The following CDKAL1 variants were observed in gnomAD, a reference collection of about 807,000 sequenced individuals.
CDKAL1 encodes threonylcarbamoyladenosine tRNA methylthiotransferase.
In CDKAL1, 32 loss-of-function variants were observed where a neutral mutation model predicts 68.2. That is an observed-to-expected ratio of 0.47 (90% CI 0.35 to 0.63). The LOEUF is 0.63. Among genes scored for constraint, CDKAL1 ranks in the 30% least tolerant of loss-of-function variants. The pLI, the probability that CDKAL1 is intolerant of heterozygous loss-of-function variation, is 0.00. For missense variants in CDKAL1, 606 were observed against 696.7 expected, an observed-to-expected ratio of 0.87 and a Z score of 1.47; for synonymous variants, 234 against 244.3, an observed-to-expected ratio of 0.96 and a Z score of 0.39.
At chr6:20,868,231 C>G (rs1760011812) in intron 9 of CDKAL1, among the ~76,000 whole-genome samples, 3 of 152,160 alleles carry the variant, frequency 2.0e-5, no homozygotes, top group South Asian at 4.2e-4. Flanking sequence ...AATATCACCC[C>G]CATTCTAAAA....
chr6:21,221,335 C>A (rs1262133005), intron 15 of CDKAL1, among the ~76,000 whole-genome samples: 1 of 151,816 alleles, frequency 6.6e-6, no homozygotes, highest in Non-Finnish European at 1.5e-5. Flanking sequence ...CTCAAGTGAT[C>A]CTCCTACCTT....
Position 20,587,690 on chromosome 6 carries a change from G to A in CDKAL1, c.286+38985G>A, listed in dbSNP as rs550608874. On this transcript the variant is annotated intron_variant, in intron 4 of 15. Transcript: ENST00000274695. ...TGAGGCTGCAGTGAGCCATGATCATGCCACTGTACTCCAGCCTGGGCAACA... is the reference window on the plus strand; with the variant it reads ...TGAGGCTGCAGTGAGCCATGATCATACCACTGTACTCCAGCCTGGGCAACA... Among the ~76,000 whole-genome samples, 28 of 152,214 alleles carry A rather than the reference G, an allele frequency of 1.8e-4. No homozygotes were observed. The South Asian group carries it at 5.4e-3, about 29-fold the overall frequency.
intron 7 of CDKAL1, among the ~76,000 whole-genome samples, chr6:20,764,036 C>CAT (rs1328058554): frequency 6.6e-6 from 1 of 152,120 alleles, no homozygotes; most frequent in African/African-American, 2.4e-5. Flanking sequence ...TAAAAATATT[C>CAT]ATACGCACCT....
At chr6:20,677,402 T>C (rs1305655072) in intron 5 of CDKAL1, among the ~76,000 whole-genome samples, 1 of 151,814 alleles carries the variant, frequency 6.6e-6, no homozygotes, top group African/African-American at 2.4e-5. Context: ...TTACTTTGCT[T>C]TTTTCATTTT....
intron 10 of CDKAL1, among the ~76,000 whole-genome samples, chr6:20,985,784 T>C (rs1036957169): frequency 1.6e-4 from 25 of 151,546 alleles, no homozygotes; most frequent in Admixed American, 1.3e-3. Context: ...ACCTGGATGA[T>C]GGAGTGAGAC....
At chr6:20,676,106 G>A (rs180736587) in intron 5 of CDKAL1, among the ~76,000 whole-genome samples, 3 of 152,278 alleles carry the variant, frequency 2.0e-5, no homozygotes, top group Admixed American at 6.5e-5. Flanking sequence ...TGAACAATTT[G>A]TGTTTTAAGG....
intron 5 of CDKAL1, among the ~76,000 whole-genome samples, chr6:20,720,291 A>G (rs1031736025): frequency 1.3e-5 from 2 of 152,118 alleles, no homozygotes; most frequent in East Asian, 1.9e-4. Flanking sequence ...AATTTGCACA[A>G]ATTTGTGGGG....
chr6:21,025,259 T>G (rs2150868052), intron 11 of CDKAL1, among the ~76,000 whole-genome samples: 1 of 152,316 alleles, frequency 6.6e-6, no homozygotes, highest in South Asian at 2.1e-4. Flanking sequence ...AAAAATGGGC[T>G]AAGATAATCT....
rs545544870 is a variant in CDKAL1 at position 20,645,882 on chromosome 6, C to A, written c.287-3411C>A. 9.2e-5 allele frequency among the ~76,000 whole-genome samples: 14 copies of A among 151,384 alleles called. No homozygotes were observed. The East Asian group carries it at 2.7e-3, about 29-fold the overall frequency. On this transcript the variant is annotated intron_variant, in intron 4 of 15. Transcript: ENST00000274695. The stretch of plus-strand genomic sequence containing the variant: ...CACATGAGCCTAGGCCTACAAAGGG[C>A]AGGATCATCAATATTACTGTCTTCC...
intron 4 of CDKAL1, among the ~76,000 whole-genome samples, chr6:20,562,165 A>G (rs2127669852): frequency 6.6e-6 from 1 of 152,204 alleles, no homozygotes; most frequent in South Asian, 2.1e-4. Context: ...ATCTTGGAGT[A>G]TTACTTGTAT....
intron 4 of CDKAL1, among the ~76,000 whole-genome samples, chr6:20,648,306 T>C (rs1189129380): frequency 1.3e-5 from 2 of 151,780 alleles, no homozygotes; most frequent in Non-Finnish European, 2.9e-5. Context: ...ATTTTTGTAT[T>C]TTTAGTAGAG....
At chr6:20,977,432 T>C (rs1193622397) in intron 10 of CDKAL1, among the ~76,000 whole-genome samples, 1 of 152,212 alleles carries the variant, frequency 6.6e-6, no homozygotes, top group Non-Finnish European at 1.5e-5. Flanking sequence ...TAACTCTAAT[T>C]TTAGCACTAT....
intron 4 of CDKAL1, among the ~76,000 whole-genome samples, chr6:20,614,483 C>T (rs9356740): frequency 0.28 from 42,742 of 151,968 alleles, 6,552 homozygotes; most frequent in East Asian, 0.53. Context: ...TCCTTTAATT[C>T]GAATGCATCT....
chr6:21,099,582 T>A (rs1773481490), intron 12 of CDKAL1, among the ~76,000 whole-genome samples: 1 of 152,172 alleles, frequency 6.6e-6, no homozygotes, highest in Non-Finnish European at 1.5e-5. Flanking sequence ...AAAACAATAA[T>A]AATCCAGATA....
At chr6:20,907,673 G>A (rs763180775) in intron 9 of CDKAL1, among the ~76,000 whole-genome samples, 7 of 152,250 alleles carry the variant, frequency 4.6e-5, no homozygotes, top group East Asian at 1.9e-4. Context: ...GAGCTCCCCC[G>A]TGTGTGAGGA....
intron 10 of CDKAL1, among the ~76,000 whole-genome samples, chr6:20,965,989 A>G (rs1333381423): frequency 2.0e-5 from 3 of 152,220 alleles, no homozygotes; most frequent in African/African-American, 4.8e-5. Flanking sequence ...TTAATAGCCT[A>G]TGAAAGGCTA....
intron 5 of CDKAL1, among the ~76,000 whole-genome samples, chr6:20,717,762 G>A (rs1581437505): frequency 6.6e-6 from 1 of 152,108 alleles, no homozygotes; most frequent in South Asian, 2.1e-4. Context: ...GTTTCCCTGG[G>A]CCACATAGGG....
intron 4 of CDKAL1, among the ~76,000 whole-genome samples, chr6:20,579,887 A>C (rs1051625344): frequency 3.3e-5 from 5 of 152,206 alleles, no homozygotes; most frequent in Non-Finnish European, 5.9e-5. Context: ...AAAATTGCAT[A>C]GTTCTGTTTT....
chr6:21,010,037 A>G (rs1315388501), intron 11 of CDKAL1, among the ~76,000 whole-genome samples: 1 of 152,240 alleles, frequency 6.6e-6, no homozygotes, highest in East Asian at 1.9e-4. Flanking sequence ...TGAGTAACAG[A>G]TATCCTAAAT....
Sources: allele counts gnomAD v4.1 joint callset (sites outside exome capture counted in the v4.1 genomes callset), GRCh38; gene constraint gnomAD v4.1.1; transcripts MANE v1.5; gene names NCBI Gene and HGNC (gene_info 2026-07-23, HGNC 2026-07-21).